The following DCP2 variants were observed in gnomAD, a reference collection of about 807,000 sequenced individuals.
DCP2 encodes decapping mRNA 2, also known as m7GpppN-mRNA hydrolase.
Under a neutral mutation model 56.1 loss-of-function variants are expected in DCP2, and 30 were observed. The ratio of observed to expected loss-of-function variants is 0.53; its 90% CI spans 0.40 to 0.73. DCP2 has a LOEUF of 0.73. Among genes scored for constraint, DCP2 ranks in the 30% least tolerant of loss-of-function variants. DCP2 has a pLI of 0.00. For synonymous variants in DCP2, 197 were observed against 163.3 expected (o/e 1.21, Z -1.57); for missense variants, 533 against 502.7 (o/e 1.06, Z -0.58).
intron 2 of DCP2, among the ~76,000 whole-genome samples, chr5:112,986,968 A>C (rs1580799298): frequency 6.6e-6 from 1 of 152,288 alleles, no homozygotes; most frequent in South Asian, 2.1e-4. Flanking sequence ...GCACCACTGC[A>C]CTCCAGCCTG....
intron 2 of DCP2, among the ~76,000 whole-genome samples, chr5:112,988,264 C>G (rs1020229999): frequency 1.3e-5 from 2 of 150,990 alleles, no homozygotes; most frequent in African/African-American, 2.4e-5. Flanking sequence ...GGGCGGATCA[C>G]TAAGTCAGGA....
At chr5:112,998,144 C>T (rs1200383072) in intron 4 of DCP2, among the ~76,000 whole-genome samples, 1 of 152,184 alleles carries the variant, frequency 6.6e-6, no homozygotes, top group East Asian at 1.9e-4. Context: ...CCTAATTTTA[C>T]AGGCAAATCT....
rs1240322761 is a variant in DCP2, at chr5:113,022,064, A to AG, written c.*8582dup. 78 of 152,398 alleles carry AG rather than the reference A, an allele frequency of 5.1e-4. No homozygotes were observed. The highest frequency in any genetic ancestry group is 1.9e-3 in the African/African-American group (78 of 41,578). The allele number at this position is 152,398 out of a possible 1,614,324, so 9.4% of individuals were successfully genotyped here. A position where few individuals can be genotyped will look rare whatever the true frequency, so the allele number is the denominator to read the frequency against. ...TGCATGTATATCACAGTTCTACAGAAGGATAGCCTTACCCTTTAAATAACA... is the reference window on the plus strand; with the variant it reads ...TGCATGTATATCACAGTTCTACAGAAGGGATAGCCTTACCCTTTAAATAACA... On this transcript the variant is annotated 3_prime_UTR_variant, in exon 11 of 11. Transcript: ENST00000389063.
chr5:113,000,715 A>G (rs1749137115), intron 4 of DCP2, among the ~76,000 whole-genome samples: 1 of 152,210 alleles, frequency 6.6e-6, no homozygotes, highest in Non-Finnish European at 1.5e-5. Flanking sequence ...TGATGATTTA[A>G]TTACCTTACC....
chr5:113,003,116 TGCCCTG>T (rs1405872649), intron 7 of DCP2, among the ~76,000 whole-genome samples: 17 of 151,560 alleles, frequency 1.1e-4, no homozygotes, highest in Non-Finnish European at 1.9e-4. Flanking sequence ...TTGGACTAAA[TGCCCTG>T]ATGTCTTTCA....
chr5:112,980,155 A>G (rs1747929403), intron 1 of DCP2, among the ~76,000 whole-genome samples: 1 of 152,224 alleles, frequency 6.6e-6, no homozygotes. Context: ...AGAGTTTTTC[A>G]GTACTGTTTA....
intron 4 of DCP2, among the ~76,000 whole-genome samples, chr5:112,994,233 A>G (rs1334422216): frequency 2.1e-5 from 3 of 139,544 alleles, no homozygotes; most frequent in Non-Finnish European, 3.0e-5. Flanking sequence ...GTACAGTGAC[A>G]TGATGATAGT....
At chr5:112,999,841 A>G (rs894383630) in intron 4 of DCP2, among the ~76,000 whole-genome samples, 4 of 150,250 alleles carry the variant, frequency 2.7e-5, no homozygotes, top group Non-Finnish European at 4.4e-5. Flanking sequence ...CGGGTGGATC[A>G]CCTGAGGTCA....
chr5:112,979,557 C>T (rs1453180234), intron 1 of DCP2, among the ~76,000 whole-genome samples: 2 of 152,068 alleles, frequency 1.3e-5, no homozygotes, highest in Non-Finnish European at 2.9e-5. Context: ...AATTCTGTTG[C>T]TTATTATTAG....
chr5:112,988,227 A>G (rs1396304072), intron 2 of DCP2, among the ~76,000 whole-genome samples: 1 of 151,970 alleles, frequency 6.6e-6, no homozygotes, highest in Non-Finnish European at 1.5e-5. Flanking sequence ...TCATGCCTGT[A>G]ATCCCAGCAC....
intron 1 of DCP2, among the ~76,000 whole-genome samples, chr5:112,981,407 T>C (rs568574506): frequency 1.3e-5 from 2 of 152,328 alleles, no homozygotes; most frequent in African/African-American, 2.4e-5. Context: ...CCTCATTTTT[T>C]CTTGCCCATT....
In DCP2 at chr5:113,015,924, C is replaced by G. The variant is rs1470595466; in HGVS notation, c.*2440C>G. 3 of 152,576 alleles carry G rather than the reference C, an allele frequency of 2.0e-5. No homozygotes were observed. Among genetic ancestry groups the G allele is most frequent in the African/African-American group, 7.2e-5 (3 of 41,432 alleles). The allele number at this position is 152,576 out of a possible 1,614,324, so 9.5% of individuals were successfully genotyped here. A position where few individuals can be genotyped will look rare whatever the true frequency, so the allele number is the denominator to read the frequency against. ...ATGCTGAATATGCAATCATTTACTT[C>G]TACTGAGTGCTGCATTTTAAGATGC... is the stretch of plus-strand genomic sequence containing the variant. On this transcript the variant is annotated 3_prime_UTR_variant, in exon 11 of 11. Coordinates refer to ENST00000389063, the MANE Select transcript of DCP2 (RefSeq NM_152624.6).
chr5:113,001,796 T>C (rs184572071), intron 7 of DCP2, 122 bp downstream of exon 7: 1 of 870,774 alleles, frequency 1.1e-6, no homozygotes, highest in South Asian at 1.6e-5. Flanking sequence ...TCTTTGTTAC[T>C]GGTCTCACAG....
intron 2 of DCP2, among the ~76,000 whole-genome samples, chr5:112,986,332 AT>A (rs1039607788): frequency 2.8e-5 from 4 of 142,934 alleles, no homozygotes; most frequent in Non-Finnish European, 6.0e-5. Flanking sequence ...TTTATTTAGA[AT>A]TTTTTTTCTT....
At position 113,013,317 on chromosome 5, in the gene DCP2, A is replaced by T; in HGVS notation, c.1100-4A>T. On this transcript the variant is annotated splice_polypyrimidine_tract_variant and splice_region_variant and intron_variant, in intron 10 of 10. Transcript: ENST00000389063. Reference sequence around the variant, plus strand: ...CTTATTTATTTTGTTTTTTCTTTAAACAGATGCTGTATATGACTTGCCTAG... The same window carrying T: ...CTTATTTATTTTGTTTTTTCTTTAATCAGATGCTGTATATGACTTGCCTAG... 6.2e-7 allele frequency: 1 copy of T among 1,605,586 alleles called. No individual in the cohort carries two copies. Among genetic ancestry groups the T allele is most frequent in the Non-Finnish European group, 8.5e-7 (1 of 1,175,854 alleles).
intron 4 of DCP2, among the ~76,000 whole-genome samples, chr5:112,994,773 C>G (rs559278166): frequency 4.7e-4 from 72 of 152,122 alleles, no homozygotes; most frequent in Non-Finnish European, 6.3e-4. Context: ...ACCCAGTACC[C>G]TAGAGACTTT....
chr5:113,011,005 C>T (rs1749659995), intron 10 of DCP2, among the ~76,000 whole-genome samples, 198 bp downstream of exon 10: 2 of 152,122 alleles, frequency 1.3e-5, no homozygotes, highest in South Asian at 2.1e-4. Context: ...AATTACTTGC[C>T]TTCAGACTGT....
chr5:112,977,043 C>A (rs1747740972), intron 1 of DCP2, 57 bp downstream of exon 1: 1 of 1,380,788 alleles, frequency 7.2e-7, no homozygotes, highest in Non-Finnish European at 9.7e-7. Flanking sequence ...TTTCGCGGAC[C>A]CCCAGAGGCC....
chr5:112,977,189 C>G (rs527630099), intron 1 of DCP2, among the ~76,000 whole-genome samples: 1 of 152,226 alleles, frequency 6.6e-6, no homozygotes, highest in Admixed American at 6.5e-5. Flanking sequence ...CAAGGCCCTC[C>G]GTCCTTCCCC....
Sources: allele counts gnomAD v4.1 joint callset (sites outside exome capture counted in the v4.1 genomes callset), GRCh38; gene constraint gnomAD v4.1.1; transcripts MANE v1.5; gene names NCBI Gene and HGNC (gene_info 2026-07-23, HGNC 2026-07-21).